The following RBMS1 variants were observed in gnomAD, a reference collection of about 807,000 sequenced individuals.
RBMS1 encodes RNA binding motif single stranded interacting protein 1.
A neutral mutation model predicts 62.3 loss-of-function variants in RBMS1; 17 were observed. The ratio of observed to expected loss-of-function variants is 0.27; its 90% CI spans 0.19 to 0.41. RBMS1 has a LOEUF of 0.41. Ranked by LOEUF, RBMS1 falls within the 10% of genes least tolerant of loss-of-function variation. The pLI, the probability that RBMS1 is intolerant of heterozygous loss-of-function variation, is 1.00. For missense variants in RBMS1, 334 were observed against 504.5 expected (o/e 0.66, Z 3.24); for synonymous variants, 172 against 170.0 (o/e 1.01, Z -0.09).
intron 1 of RBMS1, among the ~76,000 whole-genome samples, chr2:160,470,394 TA>T (rs1277925243): frequency 5.9e-5 from 9 of 152,234 alleles, no homozygotes; most frequent in African/African-American, 2.2e-4. Context: ...CTATGTTTTA[TA>T]TTTTAACAAT....
chr2:160,432,438 A>G (rs1682937984), intron 1 of RBMS1: 1 of 152,104 alleles, frequency 6.6e-6, no homozygotes, highest in Non-Finnish European at 1.5e-5. Flanking sequence ...TCTGTTCTTC[A>G]CTCTTCCTTT....
chr2:160,403,090 T>C (rs908756064), intron 1 of RBMS1, among the ~76,000 whole-genome samples: 2 of 152,202 alleles, frequency 1.3e-5, no homozygotes, highest in Non-Finnish European at 2.9e-5. Context: ...CGGTCCCTAG[T>C]AGAAAAAGTG....
intron 2 of RBMS1, among the ~76,000 whole-genome samples, chr2:160,346,128 T>TA (rs973926129): frequency 6.6e-6 from 1 of 152,130 alleles, no homozygotes; most frequent in Non-Finnish European, 1.5e-5. Context: ...TGCCCCTTCT[T>TA]AAAAAAACTT....
chr2:160,426,218 GAAGAAAGAAAGA>G (rs57929883), intron 1 of RBMS1, among the ~76,000 whole-genome samples: 510 of 48,672 alleles, frequency 0.01, 4 homozygotes, highest in South Asian at 0.018. Flanking sequence ...GAGAGAGACA[GAAGAAAGAAAGA>G]AAGAAAGAAA....
intron 1 of RBMS1, among the ~76,000 whole-genome samples, chr2:160,399,461 C>T (rs935400406): frequency 6.6e-6 from 1 of 152,148 alleles, no homozygotes; most frequent in African/African-American, 2.4e-5. Flanking sequence ...CCAGTTTCTC[C>T]CCTAATGTGC....
intron 1 of RBMS1, among the ~76,000 whole-genome samples, chr2:160,458,776 A>G (rs2105329421): frequency 6.6e-6 from 1 of 151,516 alleles, no homozygotes; most frequent in South Asian, 2.1e-4. Context: ...CAGCTTGGGT[A>G]ACAGGAACAA....
At chr2:160,377,354 A>G (rs889353277) in intron 1 of RBMS1, among the ~76,000 whole-genome samples, 1 of 152,208 alleles carries the variant, frequency 6.6e-6, no homozygotes, top group Non-Finnish European at 1.5e-5. Flanking sequence ...AACAGTGGTC[A>G]GCAGCGTTTC....
intron 1 of RBMS1, among the ~76,000 whole-genome samples, chr2:160,477,940 T>C (rs1488203154): frequency 2.0e-5 from 3 of 152,276 alleles, no homozygotes; most frequent in Non-Finnish European, 4.4e-5. Context: ...TGAAACAATC[T>C]ATTTACACAT....
intron 1 of RBMS1, among the ~76,000 whole-genome samples, chr2:160,438,272 T>A (rs1222606928): frequency 1.3e-5 from 2 of 151,934 alleles, no homozygotes; most frequent in African/African-American, 4.8e-5. Context: ...TTTTTTTTTT[T>A]TTTTTTATTG....
intron 2 of RBMS1, among the ~76,000 whole-genome samples, chr2:160,336,649 T>A (rs947944666): frequency 2.6e-5 from 4 of 152,206 alleles, no homozygotes; most frequent in African/African-American, 9.6e-5. Flanking sequence ...CAAAATATTA[T>A]CATTTCAACA....
chr2:160,286,141 T>A (rs1203902099), intron 7 of RBMS1, among the ~76,000 whole-genome samples: 1 of 151,120 alleles, frequency 6.6e-6, no homozygotes, highest in South Asian at 2.1e-4. Flanking sequence ...AAAATAAAAA[T>A]TTTTAAAAAT....
At chr2:160,439,786 A>G (rs1683320762) in intron 1 of RBMS1, among the ~76,000 whole-genome samples, 1 of 152,014 alleles carries the variant, frequency 6.6e-6, no homozygotes, top group African/African-American at 2.4e-5. Context: ...AGTGAACGAG[A>G]CTCCGTCTGC....
At chr2:160,465,061 T>C (rs1342833757) in intron 1 of RBMS1, among the ~76,000 whole-genome samples, 1 of 152,212 alleles carries the variant, frequency 6.6e-6, no homozygotes, top group African/African-American at 2.4e-5. Context: ...ATCTTGAGGA[T>C]GTTCCAAAGT....
At chr2:160,319,738 T>C (rs190259393) in intron 2 of RBMS1, among the ~76,000 whole-genome samples, 75 of 152,308 alleles carry the variant, frequency 4.9e-4, no homozygotes, top group African/African-American at 1.5e-3. Context: ...TTTTAAACCA[T>C]TGTGAATATT....
Position 160,385,692 on chromosome 2 carries a change from G to A in RBMS1, c.76-18301C>T, listed in dbSNP as rs950403738. 9.2e-5 allele frequency among the ~76,000 whole-genome samples: 14 copies of A among 152,352 alleles called. 1 individual carries two copies. Among genetic ancestry groups the A allele is most frequent in the African/African-American group, 2.6e-4 (11 of 41,582 alleles). ...AGCATCAGGAAGGGAATGTAGAGAT[G>A]CCCACGTGTTCTGTTCGGGGTGCCT... On this transcript the variant is annotated intron_variant, in intron 1 of 13. Coordinates refer to ENST00000348849, the MANE Select transcript of RBMS1 (RefSeq NM_016836.4).
chr2:160,307,331 T>C (rs74758543), intron 4 of RBMS1, among the ~76,000 whole-genome samples: 1,495 of 144,864 alleles, frequency 0.01, 34 homozygotes, highest in African/African-American at 0.037. Flanking sequence ...GGGGGGATTA[T>C]ATTCCTGCTC....
intron 6 of RBMS1, among the ~76,000 whole-genome samples, chr2:160,299,346 A>G (rs1689095611): frequency 6.6e-6 from 1 of 152,228 alleles, no homozygotes; most frequent in African/African-American, 2.4e-5. Flanking sequence ...AGTAATTCAT[A>G]GTTTTTGTTC....
At chr2:160,328,235 G>C (rs1216741019) in intron 2 of RBMS1, among the ~76,000 whole-genome samples, 1 of 152,100 alleles carries the variant, frequency 6.6e-6, no homozygotes, top group Non-Finnish European at 1.5e-5. Flanking sequence ...AATATTCAAT[G>C]ACTAATAAGT....
intron 2 of RBMS1, among the ~76,000 whole-genome samples, chr2:160,336,869 T>TGCCATGGGAAATAGTAGCTTGGCACCA (rs1410265853): frequency 1.3e-5 from 2 of 152,184 alleles, no homozygotes; most frequent in Non-Finnish European, 2.9e-5. Flanking sequence ...ACATTTCCCT[T>TGCCATGGGAAATAGTAGCTTGGCACCA]GCCATGGGAA....
Sources: gnomAD v4.1 joint callset for allele counts (sites outside exome capture counted in the v4.1 genomes callset) on GRCh38, gnomAD v4.1.1 for gene constraint, MANE v1.5 for transcripts, NCBI Gene and HGNC (gene_info 2026-07-23, HGNC 2026-07-21) for gene names.